DRC3: variants seen among roughly 807,000 people sequenced by gnomAD.
DRC3 encodes the protein dynein regulatory complex subunit 3.
A neutral mutation model predicts 57.6 loss-of-function variants in DRC3; 45 were observed. The observed-to-expected ratio is 0.78, with a 90% CI of 0.62 to 1.00. The LOEUF (loss-of-function observed/expected upper bound fraction) is 1.00, where lower values mean the gene tolerates loss of function less well. Among genes scored for constraint, DRC3 ranks in the 50% least tolerant of loss-of-function variants. The pLI, the probability that DRC3 is intolerant of heterozygous loss-of-function variation, is 0.00. For missense variants in DRC3, 655 were observed against 675.2 expected (o/e 0.97, Z 0.33); for synonymous variants, 257 against 272.3 (o/e 0.94, Z 0.55).
chr17:18,016,488 A>C (rs985038180), intron 13 of DRC3, 70 bp from the exon 14 acceptor site: 1 of 1,177,488 alleles, frequency 8.5e-7, no homozygotes, highest in African/African-American at 1.5e-5. Flanking sequence ...CCTTCCCTCA[A>C]ACTGGATTCA....
chr17:17,996,903 C>T (rs2043481424), intron 8 of DRC3, among the ~76,000 whole-genome samples: 1 of 152,170 alleles, frequency 6.6e-6, no homozygotes, highest in African/African-American at 2.4e-5. Context: ...CCCTCAGCTG[C>T]AGATGAGGAA....
chr17:17,991,591 G>A (rs572941072), intron 5 of DRC3, among the ~76,000 whole-genome samples: 7 of 151,936 alleles, frequency 4.6e-5, no homozygotes, highest in African/African-American at 1.2e-4. Context: ...CCTTGTACCC[G>A]GCCAAAGTAT....
Position 18,016,685 on chromosome 17 carries a change from A to C in DRC3, c.*14A>C. ...ATCCTAGACTAGATGAATGTCAGCC[A>C]CAGGAGCTTCTTCAAAACATAGCAC... On this transcript the variant is annotated 3_prime_UTR_variant, in exon 14 of 14. Coordinates refer to ENST00000399187, the MANE Select transcript of DRC3 (RefSeq NM_031294.4). The C allele has an allele frequency of 1.9e-6, 3 of 1,559,528 alleles. 1 individual carries two copies. The South Asian group carries it at 3.4e-5, about 17-fold the overall frequency.
At chr17:17,983,801 G>A in intron 3 of DRC3, 27 bp from the exon 4 acceptor site, 1 of 1,547,328 alleles carries the variant, frequency 6.5e-7, no homozygotes. Context: ...CCTAACCTGA[G>A]ACTGAAATCA....
chr17:17,984,638 T>C (rs1203701790), intron 4 of DRC3, among the ~76,000 whole-genome samples: 1 of 152,154 alleles, frequency 6.6e-6, no homozygotes, highest in Non-Finnish European at 1.5e-5. Flanking sequence ...GTTGGGCATC[T>C]GTTATAATCC....
At chr17:17,983,733 A>G (rs891433321) in intron 3 of DRC3, 95 bp from the exon 4 acceptor site, 1 of 812,650 alleles carries the variant, frequency 1.2e-6, no homozygotes, top group Admixed American at 2.0e-5. Flanking sequence ...GAAGAGTTCT[A>G]GGTCCCTTTT....
rs2145477082 is a variant in DRC3, at chr17:18,016,842, T to A, written c.*171T>A. The A allele has an allele frequency of 2.0e-5, 9 of 449,516 alleles. No individual in the cohort carries two copies. Among genetic ancestry groups the A allele is most frequent in the South Asian group, 3.4e-5 (1 of 29,780 alleles). 27.8% of individuals were successfully genotyped at this position (449,516 alleles called of 1,614,324 possible). On this transcript the variant is annotated 3_prime_UTR_variant, in exon 14 of 14. Transcript: ENST00000399187. ...GAAAAACTTCCAAAAGTAGAGAAAA[T>A]AAAGGACTCATTTCACATTTCCCCT...
chr17:18,006,022 G>C (rs1404866758), intron 10 of DRC3, 161 bp from the exon 11 acceptor site: 21 of 627,668 alleles, frequency 3.3e-5, no homozygotes, highest in Non-Finnish European at 2.3e-5. Context: ...AGAGAGCAGA[G>C]GGGTCAGTTC....
intron 2 of DRC3, 89 bp from the exon 3 acceptor site, chr17:17,977,493 C>T: frequency 3.4e-6 from 5 of 1,485,454 alleles, no homozygotes; most frequent in Non-Finnish European, 4.6e-6. Context: ...CCAGTGGCCA[C>T]AAGACACTAC....
intron 9 of DRC3, among the ~76,000 whole-genome samples, chr17:17,999,847 G>A (rs2043617203): frequency 6.6e-6 from 1 of 152,260 alleles, no homozygotes; most frequent in East Asian, 1.9e-4. Context: ...AATGAGTAGT[G>A]TGTGCACATG....
At chr17:17,974,730 C>T (rs1235835145) in intron 2 of DRC3, among the ~76,000 whole-genome samples, 1 of 152,140 alleles carries the variant, frequency 6.6e-6, no homozygotes, top group Non-Finnish European at 1.5e-5. Flanking sequence ...GCCCTGTCTT[C>T]CTTGGCCAGG....
At chr17:17,984,052 A>G (rs977647169) in intron 4 of DRC3, 108 bp downstream of exon 4, 30 of 685,400 alleles carry the variant, frequency 4.4e-5, no homozygotes, top group Non-Finnish European at 6.2e-5. Flanking sequence ...CTGCTGGCCC[A>G]TCATTAGCCA....
At chr17:18,004,836 C>T (rs1352450832) in intron 10 of DRC3, 1 of 235,682 alleles carries the variant, frequency 4.2e-6, no homozygotes, top group Non-Finnish European at 8.3e-6. Context: ...ACAAAGACCC[C>T]TCCGCATTGC....
At position 17,988,078 on chromosome 17, in the gene DRC3, C is replaced by A. The variant is rs557586139; in HGVS notation, c.424C>A (p.Arg142=). The change falls in exon 5 of 14, where the codon CGG becomes AGG. Residue 142 remains arginine (R), a synonymous_variant. Transcript: ENST00000399187. ...KLQVLSLGNN[R]IDNMMNIIYL... is the part of the protein sequence containing the mutation. ...GCAGGTGTTGTCGCTGGGCAACAACCGGATTGACAACATGATGAACGTGAG... is the reference window on the plus strand; with the variant it reads ...GCAGGTGTTGTCGCTGGGCAACAACAGGATTGACAACATGATGAACGTGAG... The A allele has an allele frequency of 6.2e-7, 1 of 1,613,806 alleles. No homozygotes were observed. The highest frequency in any genetic ancestry group is 2.2e-5 in the East Asian group (1 of 44,876).
rs1292050300 is a variant in DRC3 at position 18,006,805 on chromosome 17, GAA to G, written c.1203-218_1203-217del. ...CAGGAGCCTCCATGCAGGAGGGAGA[GAA>G]GAGTGTGATGGCAGGGGCCGAGGGT... On this transcript the variant is annotated intron_variant, in intron 11 of 13. Coordinates refer to ENST00000399187, the MANE Select transcript of DRC3 (RefSeq NM_031294.4). 6.9e-5 allele frequency: 41 copies of G among 593,114 alleles called. No homozygotes were observed. In the South Asian group the frequency reaches 8.0e-4, roughly 12 times the overall value. 36.7% of individuals were successfully genotyped at this position (593,114 alleles called of 1,614,324 possible).
intron 4 of DRC3, among the ~76,000 whole-genome samples, chr17:17,986,692 AC>A (rs1318696280): frequency 6.6e-6 from 1 of 151,578 alleles, no homozygotes; most frequent in African/African-American, 2.4e-5. Context: ...GGAACTCCTG[AC>A]CCCCAAGTGA....
chr17:17,991,089 C>T (rs1374613219), intron 5 of DRC3, among the ~76,000 whole-genome samples: 1 of 152,148 alleles, frequency 6.6e-6, no homozygotes, highest in Non-Finnish European at 1.5e-5. Flanking sequence ...CCTTGTTCCC[C>T]ACTGTATCTT....
chr17:17,973,373 C>G (rs535877155), intron 1 of DRC3, among the ~76,000 whole-genome samples: 1 of 152,226 alleles, frequency 6.6e-6, no homozygotes, highest in South Asian at 2.1e-4. Context: ...GTATATACCG[C>G]TTTGGATGTG....
intron 3 of DRC3, among the ~76,000 whole-genome samples, chr17:17,978,746 G>A (rs2042513359): frequency 6.6e-6 from 1 of 152,166 alleles, no homozygotes; most frequent in Non-Finnish European, 1.5e-5. Flanking sequence ...AGGGGTAAAG[G>A]GGCACAGAAC....
Sources: gnomAD v4.1 joint callset for allele counts (sites outside exome capture counted in the v4.1 genomes callset) on GRCh38, gnomAD v4.1.1 for gene constraint, MANE v1.5 for transcripts, NCBI Gene and HGNC (gene_info 2026-07-23, HGNC 2026-07-21) for gene names.